Variants in GPM6B observed in about 807,000 individuals in gnomAD.
The protein encoded by GPM6B is neuronal membrane glycoprotein M6-b.
In GPM6B, 4 loss-of-function variants were observed where a neutral mutation model predicts 27.2. That is an observed-to-expected ratio of 0.15 (90% CI 0.07 to 0.34). The LOEUF (loss-of-function observed/expected upper bound fraction) is 0.34, where lower values mean the gene tolerates loss of function less well. Among genes scored for constraint, GPM6B ranks in the 10% least tolerant of loss-of-function variants. The pLI is 1.00. For missense variants in GPM6B, 183 were observed against 261.9 expected (o/e 0.70, Z 2.08); for synonymous variants, 124 against 103.1 (o/e 1.20, Z -1.23).
intron 1 of GPM6B, among the ~76,000 whole-genome samples, chrX:13,911,364 T>A (rs2050377285): frequency 8.9e-6 from 1 of 112,051 alleles, no homozygotes; most frequent in Non-Finnish European, 1.9e-5. Flanking sequence ...TGCTATACCA[T>A]AATTCTTTCT....
chrX:13,936,675 T>C (rs1305160642), intron 1 of GPM6B, among the ~76,000 whole-genome samples: 1 of 112,283 alleles, frequency 8.9e-6, no homozygotes, highest in African/African-American at 3.2e-5. Flanking sequence ...CCAGAACCAG[T>C]GAAGTATGCA....
intron 2 of GPM6B, among the ~76,000 whole-genome samples, chrX:13,801,493 G>A (rs2048920244): frequency 8.9e-6 from 1 of 112,496 alleles, no homozygotes; most frequent in Non-Finnish European, 1.9e-5. Context: ...ATTGGCAATT[G>A]TTTTCTGTAA....
rs150415157 is a variant in GPM6B at position 13,793,365 on chromosome X, C to G, written c.182-7557G>C. 5.9e-3 allele frequency among the ~76,000 whole-genome samples: 659 copies of G among 111,487 alleles called. 3 individuals are homozygous for G. Among genetic ancestry groups the G allele is most frequent in the African/African-American group, 0.02 (628 of 30,655 alleles). ...ACAGGTATTGATTGATGTCTCATGT[C>G]TCCCTAAAAGGTATAAAAGTAAGCT... On this transcript the variant is annotated intron_variant, in intron 2 of 7. Coordinates refer to ENST00000316715, the MANE Select transcript of GPM6B (RefSeq NM_001001995.3).
chrX:13,829,991 G>T (rs1000160465), intron 1 of GPM6B, among the ~76,000 whole-genome samples: 45 of 110,131 alleles, frequency 4.1e-4, no homozygotes, highest in African/African-American at 1.4e-3. Flanking sequence ...CTGAAGCTTG[G>T]TTTAATACTC....
At chrX:13,827,460 G>C (rs1268812099) in intron 1 of GPM6B, among the ~76,000 whole-genome samples, 1 of 108,797 alleles carries the variant, frequency 9.2e-6, no homozygotes, top group Admixed American at 9.9e-5. Context: ...CCCCTTCTTA[G>C]CATTCTAACT....
intron 1 of GPM6B, among the ~76,000 whole-genome samples, chrX:13,823,571 G>C (rs1279307630): frequency 2.8e-5 from 3 of 106,396 alleles, no homozygotes; most frequent in African/African-American, 1.0e-4. Context: ...CCAGGCTGGA[G>C]TGCAGTGGCA....
intron 7 of GPM6B, chrX:13,774,510 A>G: frequency 8.3e-7 from 1 of 1,206,567 alleles, no homozygotes; most frequent in Non-Finnish European, 1.1e-6. Flanking sequence ...ATTTCATGCT[A>G]CAGAGCATAG....
intron 1 of GPM6B, among the ~76,000 whole-genome samples, chrX:13,840,495 A>G (rs1280154277): frequency 1.8e-5 from 2 of 111,629 alleles, no homozygotes; most frequent in Non-Finnish European, 3.8e-5. Flanking sequence ...CGCAATAAAT[A>G]TATTTTTAAA....
chrX:13,889,166 A>G (rs1362258133), intron 1 of GPM6B: 1 of 111,818 alleles, frequency 8.9e-6, no homozygotes, highest in African/African-American at 3.3e-5. Context: ...AAACTACTCC[A>G]GGTGATTCTA....
At chrX:13,780,912 T>TA (rs1222650427) in intron 4 of GPM6B, 1 of 315,971 alleles carries the variant, frequency 3.2e-6, no homozygotes, top group African/African-American at 2.7e-5. Flanking sequence ...CTGCAGGAGA[T>TA]ACCTGGGCGG....
chrX:13,855,432 G>A (rs921699764), intron 1 of GPM6B, among the ~76,000 whole-genome samples: 3 of 112,065 alleles, frequency 2.7e-5, no homozygotes, highest in Non-Finnish European at 5.6e-5. Context: ...ACATGCTTGT[G>A]AGACTCATCT....
At chrX:13,912,575 A>G (rs191542740) in intron 1 of GPM6B, among the ~76,000 whole-genome samples, 1 of 96,545 alleles carries the variant, frequency 1.0e-5, no homozygotes, top group East Asian at 3.0e-4. Context: ...AACTGGAAAA[A>G]GGTCAGTATT....
chrX:13,936,515 T>G (rs1921848110), intron 1 of GPM6B, among the ~76,000 whole-genome samples: 2 of 112,263 alleles, frequency 1.8e-5, no homozygotes, highest in South Asian at 7.4e-4. Context: ...GGATGCACGG[T>G]AATTAAATAC....
At chrX:13,832,461 G>A (rs1471771624) in intron 1 of GPM6B, among the ~76,000 whole-genome samples, 1 of 111,918 alleles carries the variant, frequency 8.9e-6, no homozygotes, top group Non-Finnish European at 1.9e-5. Context: ...AGGACTTATA[G>A]ATATGTAAGT....
chrX:13,859,366 G>A (rs2049817002), intron 1 of GPM6B, among the ~76,000 whole-genome samples: 1 of 111,788 alleles, frequency 8.9e-6, no homozygotes, highest in Admixed American at 9.5e-5. Context: ...TTAACATAAT[G>A]TTTGAGATTT....
chrX:13,775,189 A>G (rs1215329946), intron 7 of GPM6B, among the ~76,000 whole-genome samples: 2 of 112,876 alleles, frequency 1.8e-5, no homozygotes, highest in Admixed American at 1.9e-4. Flanking sequence ...ATACATACAT[A>G]AGAGCGTGTA....
At chrX:13,927,140 T>C (rs958277668) in intron 1 of GPM6B, among the ~76,000 whole-genome samples, 4 of 97,575 alleles carry the variant, frequency 4.1e-5, no homozygotes, top group Non-Finnish European at 8.2e-5. Context: ...CACAAAACTT[T>C]CAACCTCTCT....
At chrX:13,914,004 G>A (rs978953982) in intron 1 of GPM6B, among the ~76,000 whole-genome samples, 7 of 110,879 alleles carry the variant, frequency 6.3e-5, no homozygotes, top group African/African-American at 2.3e-4. Flanking sequence ...TGCCCACTTC[G>A]GCCTCCCAAA....
At chrX:13,937,415 G>T (rs66560303) in intron 1 of GPM6B, among the ~76,000 whole-genome samples, 40,987 of 110,303 alleles carry the variant, frequency 0.37, 5,799 homozygotes, top group Non-Finnish European at 0.42. Flanking sequence ...GAAAGAGGGG[G>T]ATGAATGATT....
Sources: allele counts gnomAD v4.1 joint callset (sites outside exome capture counted in the v4.1 genomes callset), GRCh38; gene constraint gnomAD v4.1.1; transcripts MANE v1.5; gene names NCBI Gene and HGNC (gene_info 2026-07-23, HGNC 2026-07-21).